Variants in CRTC3 observed in about 807,000 individuals in gnomAD.
The protein encoded by CRTC3 is CREB-regulated transcription coactivator 3.
Under a neutral mutation model 74.5 loss-of-function variants are expected in CRTC3, and 26 were observed. The observed-to-expected ratio is 0.35, with a 90% CI of 0.26 to 0.48. The LOEUF is 0.48. Ranked by LOEUF, CRTC3 falls within the 20% of genes least tolerant of loss-of-function variation. CRTC3 has a pLI of 0.99. For synonymous variants in CRTC3, 377 were observed against 325.8 expected, an observed-to-expected ratio of 1.16 and a Z score of -1.69; for missense variants, 760 against 787.3, an observed-to-expected ratio of 0.97 and a Z score of 0.41.
At chr15:90,634,862 A>G in intron 11 of CRTC3, 5 of 1,543,898 alleles carry the variant, frequency 3.2e-6, no homozygotes, top group Non-Finnish European at 4.4e-6. Context: ...AAGCAACAGT[A>G]GTCACTGTTG....
At chr15:90,612,028 T>TCCTCCG (rs1968369088) in intron 6 of CRTC3, among the ~76,000 whole-genome samples, 1 of 87,562 alleles carries the variant, frequency 1.1e-5, no homozygotes, top group African/African-American at 4.8e-5. Context: ...CACCCCCCAC[T>TCCTCCG]CCTCCTCCTC....
rs538953998 is a variant in CRTC3, at chr15:90,638,518, C to T, written c.1339C>T (p.Pro447Ser). ...TCAAGCCCAGGTGTCGCCGCCACCCCCTTACCCTGCACCCCAGGAGCTCAC... is the reference window on the plus strand; with the variant it reads ...TCAAGCCCAGGTGTCGCCGCCACCCTCTTACCCTGCACCCCAGGAGCTCAC... Reference protein sequence around the residue: ...EAQAQVSPPPPYPAPQELTQP... With the variant: ...EAQAQVSPPPSYPAPQELTQP... The change falls in exon 12 of 15, where the codon CCT (proline) becomes TCT (serine). Residue 447 changes from proline to serine, a missense_variant. Around this residue, in one of 2 missense-constraint regions of CRTC3, gnomAD observed 652 missense variants for 635.2 expected, o/e 1.03. Transcript: ENST00000268184. The T allele has an allele frequency of 6.2e-7, 1 of 1,613,920 alleles. No individual in the cohort carries two copies. The highest frequency in any genetic ancestry group is 2.2e-5 in the East Asian group (1 of 44,886).
Position 90,642,625 on chromosome 15 carries a change from C to T in CRTC3, c.*485C>T, listed in dbSNP as rs1249394799. 1 of 245,796 alleles carries T rather than the reference C, an allele frequency of 4.1e-6. No homozygotes were observed. 15.2% of individuals were successfully genotyped at this position (245,796 alleles called of 1,614,324 possible). ...GACCTGACCCAGAGGGCGAGGCCCT[C>T]CAGCGGGGGACATTCCCAGGCTGAG... On this transcript the variant is annotated 3_prime_UTR_variant, in exon 15 of 15. Transcript: ENST00000268184.
In CRTC3 at chr15:90,607,488, A is replaced by G. The variant is rs1175180062; in HGVS notation, c.577+10A>G. 1.3e-6 allele frequency: 2 copies of G among 1,499,974 alleles called. No homozygotes were observed. Among genetic ancestry groups the G allele is most frequent in the East Asian group, 2.3e-5 (1 of 44,128 alleles). The allele number at this position is 1,499,974 out of a possible 1,614,324, so 92.9% of individuals were successfully genotyped here. A position where few individuals can be genotyped will look rare whatever the true frequency, so the allele number is the denominator to read the frequency against. ...CCTGCCCCATACATGGGTAAGACAC[A>G]CAGGCCACTGCTGACAGCAGCTGTG... On this transcript the variant is annotated intron_variant, in intron 6 of 14. Transcript: ENST00000268184.
Position 90,607,489 on chromosome 15 carries a change from C to G in CRTC3, c.577+11C>G. ...CTGCCCCATACATGGGTAAGACACA[C>G]AGGCCACTGCTGACAGCAGCTGTGC... is the stretch of plus-strand genomic sequence containing the variant. On this transcript the variant is annotated intron_variant, in intron 6 of 14. Coordinates refer to ENST00000268184, the MANE Select transcript of CRTC3 (RefSeq NM_022769.5). The G allele has an allele frequency of 1.3e-6, 2 of 1,485,492 alleles. No homozygotes were observed. The highest frequency in any genetic ancestry group is 1.9e-6 in the Non-Finnish European group (2 of 1,066,422). The allele number at this position is 1,485,492 out of a possible 1,614,324, so 92.0% of individuals were successfully genotyped here.
intron 5 of CRTC3, chr15:90,606,782 A>G (rs1468664210): frequency 6.6e-6 from 1 of 152,264 alleles, no homozygotes; most frequent in Non-Finnish European, 1.5e-5. Flanking sequence ...TTCACCTTTT[A>G]CAAATCCCTC....
chr15:90,612,606 G>A (rs527859724), intron 6 of CRTC3, among the ~76,000 whole-genome samples: 11 of 151,758 alleles, frequency 7.2e-5, no homozygotes, highest in East Asian at 1.9e-4. Flanking sequence ...GCTTCAGCAC[G>A]CCATACCAGA....
chr15:90,540,034 T>A lies in CRTC3; in HGVS notation c.133-5T>A. On this transcript the variant is annotated splice_region_variant and splice_polypyrimidine_tract_variant and intron_variant, in intron 1 of 14. Coordinates refer to ENST00000268184, the MANE Select transcript of CRTC3 (RefSeq NM_022769.5). ...CTCAGCGTTCTTAAATCACTTTGTTTCCAGGTTCAATTTCAGAAGCTTCAG... is the reference window on the plus strand; with the variant it reads ...CTCAGCGTTCTTAAATCACTTTGTTACCAGGTTCAATTTCAGAAGCTTCAG... 7 of 1,607,018 alleles carry A rather than the reference T, an allele frequency of 4.4e-6. No individual in the cohort carries two copies. Among genetic ancestry groups the A allele is most frequent in the Non-Finnish European group, 6.0e-6 (7 of 1,173,852 alleles).
intron 2 of CRTC3, among the ~76,000 whole-genome samples, chr15:90,582,286 G>A (rs1967560685): frequency 6.6e-6 from 1 of 152,218 alleles, no homozygotes. Context: ...AGGTGGGGAT[G>A]GGAACAGGCA....
chr15:90,624,282 AG>A (rs1400661427), intron 9 of CRTC3, among the ~76,000 whole-genome samples: 1 of 151,974 alleles, frequency 6.6e-6, no homozygotes, highest in African/African-American at 2.4e-5. Context: ...GGACCACTGC[AG>A]GTGGTCCTTC....
chr15:90,634,102 T>G (rs945619613), intron 11 of CRTC3, among the ~76,000 whole-genome samples: 1 of 138,566 alleles, frequency 7.2e-6, no homozygotes, highest in African/African-American at 2.6e-5. Flanking sequence ...ACCCATCATT[T>G]ACCCTCAACA....
At chr15:90,633,644 C>T (rs530062417) in intron 11 of CRTC3, among the ~76,000 whole-genome samples, 2 of 152,296 alleles carry the variant, frequency 1.3e-5, no homozygotes, top group African/African-American at 4.8e-5. Flanking sequence ...AACTCACAGC[C>T]TTCATTTCTG....
chr15:90,592,612 A>G (rs1181097485), intron 2 of CRTC3, among the ~76,000 whole-genome samples: 4 of 152,134 alleles, frequency 2.6e-5, no homozygotes, highest in Non-Finnish European at 5.9e-5. Context: ...TTTATCTACA[A>G]TCTGTTTCTG....
At chr15:90,617,850 G>C in intron 7 of CRTC3, 33 bp from the exon 8 acceptor site, 2 of 1,465,910 alleles carry the variant, frequency 1.4e-6, no homozygotes, top group Non-Finnish European at 1.9e-6. Context: ...GCCTTCTCAT[G>C]CAATGACTGT....
chr15:90,584,197 T>C (rs1266425101), intron 2 of CRTC3, among the ~76,000 whole-genome samples: 1 of 151,806 alleles, frequency 6.6e-6, no homozygotes, highest in Non-Finnish European at 1.5e-5. Context: ...GGAACCTGCC[T>C]TACTTCCTAA....
intron 2 of CRTC3, among the ~76,000 whole-genome samples, chr15:90,554,741 G>A (rs1035672265): frequency 1.3e-5 from 2 of 152,196 alleles, no homozygotes; most frequent in African/African-American, 4.8e-5. Context: ...CAGATAATAC[G>A]TGTGAAGCGC....
chr15:90,631,827 G>A (rs1032881213), intron 11 of CRTC3, among the ~76,000 whole-genome samples: 12 of 151,754 alleles, frequency 7.9e-5, no homozygotes, highest in East Asian at 1.9e-4. Context: ...AGTGATCCTC[G>A]CACCTCAGCC....
chr15:90,543,859 A>G (rs538081659), intron 2 of CRTC3, among the ~76,000 whole-genome samples: 3 of 152,298 alleles, frequency 2.0e-5, no homozygotes, highest in African/African-American at 4.8e-5. Flanking sequence ...TCTGTTTGTA[A>G]GTATTCTCCA....
chr15:90,603,508 A>G (rs1197902584), intron 4 of CRTC3, among the ~76,000 whole-genome samples: 1 of 152,188 alleles, frequency 6.6e-6, no homozygotes, highest in Non-Finnish European at 1.5e-5. Flanking sequence ...TGAAAAGGAC[A>G]AAAGACTCTT....
Sources: allele counts gnomAD v4.1 joint callset (sites outside exome capture counted in the v4.1 genomes callset), GRCh38; gene constraint gnomAD v4.1.1; regional missense constraint gnomAD v4.1.1; transcripts MANE v1.5; gene names NCBI Gene and HGNC (gene_info 2026-07-23, HGNC 2026-07-21).